The following EYA1 variants were observed in gnomAD, a reference collection of about 807,000 sequenced individuals.
The protein encoded by EYA1 is EYA transcriptional coactivator and phosphatase 1, also known as protein phosphatase EYA1.
Under a neutral mutation model 82.0 loss-of-function variants are expected in EYA1, and 16 were observed. The ratio of observed to expected loss-of-function variants is 0.20; its 90% CI spans 0.13 to 0.30. The LOEUF is 0.30. EYA1 is among the 10% of genes least tolerant of loss of function. EYA1 has a pLI of 1.00. For missense variants in EYA1, 633 were observed against 730.7 expected (o/e 0.87, Z 1.54); for synonymous variants, 261 against 264.4 (o/e 0.99, Z 0.12).
intron 2 of EYA1, among the ~76,000 whole-genome samples, chr8:71,447,467 C>A (rs1806984032): frequency 1.3e-5 from 2 of 152,170 alleles, no homozygotes; most frequent in South Asian, 2.1e-4. Flanking sequence ...TTATTCTCAA[C>A]CATCCCTAGT....
intron 2 of EYA1, among the ~76,000 whole-genome samples, chr8:71,433,206 T>G (rs1805755391): frequency 1.3e-5 from 2 of 152,196 alleles, no homozygotes; most frequent in African/African-American, 4.8e-5. Flanking sequence ...AACTTAACAT[T>G]TTCACAGATC....
chr8:71,390,846 T>C (rs1442019593), intron 2 of EYA1, among the ~76,000 whole-genome samples: 1 of 152,164 alleles, frequency 6.6e-6, no homozygotes, highest in Non-Finnish European at 1.5e-5. Context: ...ATTTTTTAGA[T>C]TGAATTCTAT....
chr8:71,292,311 C>A (rs576178187), intron 9 of EYA1, among the ~76,000 whole-genome samples: 2 of 152,000 alleles, frequency 1.3e-5, no homozygotes, highest in South Asian at 4.1e-4. Context: ...TTATTTTTCC[C>A]TTCCTCTATT....
chr8:71,204,665 G>T (rs547626095), intron 17 of EYA1, among the ~76,000 whole-genome samples: 4 of 152,078 alleles, frequency 2.6e-5, no homozygotes, highest in Non-Finnish European at 5.9e-5. Context: ...GAAAAAGCAG[G>T]TATGAAAAAA....
chr8:71,368,409 T>C (rs958067684), intron 2 of EYA1, among the ~76,000 whole-genome samples: 1 of 151,952 alleles, frequency 6.6e-6, no homozygotes, highest in African/African-American at 2.4e-5. Flanking sequence ...TGTCTTTCCC[T>C]GAGAGGAGGA....
chr8:71,277,115 A>ATGCTTTT (rs1563383057), intron 9 of EYA1, among the ~76,000 whole-genome samples: 5 of 76,938 alleles, frequency 6.5e-5, no homozygotes, highest in Admixed American at 1.8e-4. Context: ...GGCTTCACAC[A>ATGCTTTT]TTTTTTTTTT....
intron 2 of EYA1, among the ~76,000 whole-genome samples, chr8:71,397,005 G>A (rs947769286): frequency 2.0e-5 from 3 of 152,196 alleles, no homozygotes; most frequent in Non-Finnish European, 4.4e-5. Context: ...AGCATAGTTA[G>A]CTCTTCTTGT....
chr8:71,322,013 G>T, intron 5 of EYA1, 134 bp from the exon 6 acceptor site: 1 of 1,265,950 alleles, frequency 7.9e-7, no homozygotes, highest in Non-Finnish European at 1.1e-6. Context: ...AATTGACAAA[G>T]CACTGAAATA....
At chr8:71,294,995 A>C (rs1276755110) in intron 9 of EYA1, among the ~76,000 whole-genome samples, 2 of 152,242 alleles carry the variant, frequency 1.3e-5, no homozygotes, top group Non-Finnish European at 2.9e-5. Context: ...GAGAAAAGAT[A>C]GTTTTTCAAA....
intron 2 of EYA1, among the ~76,000 whole-genome samples, chr8:71,512,637 G>A (rs1812687000): frequency 6.6e-6 from 1 of 151,918 alleles, no homozygotes; most frequent in Admixed American, 6.6e-5. Context: ...AAAGATATAT[G>A]AGGGACAGAT....
intron 2 of EYA1, among the ~76,000 whole-genome samples, chr8:71,511,972 T>C (rs1229437883): frequency 6.6e-6 from 1 of 152,174 alleles, no homozygotes; most frequent in Non-Finnish European, 1.5e-5. Context: ...ACCAGTGCCC[T>C]CAATAGTAAA....
At chr8:71,544,768 T>C (rs1586920760) in intron 1 of EYA1, among the ~76,000 whole-genome samples, 1 of 152,240 alleles carries the variant, frequency 6.6e-6, no homozygotes, top group Non-Finnish European at 1.5e-5. Context: ...TGGCACTTAC[T>C]GAGCTTAGGG....
chr8:71,223,251 G>T, intron 12 of EYA1, among the ~76,000 whole-genome samples: 1 of 152,122 alleles, frequency 6.6e-6, no homozygotes, highest in East Asian at 1.9e-4. Context: ...TGAAAAGAGG[G>T]CAGATGGCAC....
chr8:71,287,907 C>T (rs917836611), intron 9 of EYA1, among the ~76,000 whole-genome samples: 10 of 152,224 alleles, frequency 6.6e-5, no homozygotes, highest in African/African-American at 2.4e-4. Context: ...ATTTCATTCT[C>T]ATAGTCATCC....
chr8:71,254,243 CAAAAAAA>C (rs56047377), intron 11 of EYA1, among the ~76,000 whole-genome samples: 34 of 51,470 alleles, frequency 6.6e-4, no homozygotes, highest in African/African-American at 2.3e-3. Context: ...AAGTCTTGGC[CAAAAAAA>C]AAAAAAAAAA....
At chr8:71,547,909 C>CA (rs1815796770) in exon 1 of EYA1, 3 of 151,998 alleles carry the variant, frequency 2.0e-5, no homozygotes, top group Non-Finnish European at 2.9e-5. Context: ...CCGGTTCTTC[C>CA]AAAAGCAAAC....
intron 17 of EYA1, among the ~76,000 whole-genome samples, chr8:71,206,635 C>G (rs918742750): frequency 3.3e-5 from 5 of 152,190 alleles, no homozygotes; most frequent in Non-Finnish European, 7.3e-5. Context: ...TACAGTGCCT[C>G]AGTTTTCTCA....
upstream of EYA1, among the ~76,000 whole-genome samples, chr8:71,365,076 G>A (rs1827678188): frequency 6.7e-6 from 1 of 149,974 alleles, no homozygotes; most frequent in Non-Finnish European, 1.5e-5. Context: ...GAGAGAGAGA[G>A]ACAAGGACAG....
intron 5 of EYA1, 36 bp downstream of exon 5, chr8:71,322,163 G>T: frequency 6.6e-7 from 1 of 1,518,336 alleles, no homozygotes; most frequent in Non-Finnish European, 9.2e-7. Context: ...TCTACTCAGA[G>T]AAGTTATTTA....
Sources: gnomAD v4.1 joint callset for allele counts (sites outside exome capture counted in the v4.1 genomes callset) on GRCh38, gnomAD v4.1.1 for gene constraint, MANE v1.5 for transcripts, NCBI Gene and HGNC (gene_info 2026-07-23, HGNC 2026-07-21) for gene names.